Variants in PDE12 observed in about 807,000 individuals in gnomAD.
PDE12 encodes the protein phosphodiesterase 12.
A neutral mutation model predicts 45.4 loss-of-function variants in PDE12; 26 were observed. The observed-to-expected ratio is 0.57, with a 90% CI of 0.42 to 0.79. PDE12 has a LOEUF of 0.79. PDE12 is among the 30% of genes least tolerant of loss of function. The pLI, the probability that PDE12 is intolerant of heterozygous loss-of-function variation, is 0.00. For synonymous variants in PDE12, 283 were observed against 323.9 expected (o/e 0.87, Z 1.36); for missense variants, 668 against 790.0 (o/e 0.85, Z 1.85).
chr3:57,630,205 T>A, the PDE12 span: 1 of 466,532 alleles, frequency 2.1e-6, no homozygotes, highest in Non-Finnish European at 3.6e-6. Context: ...ATGCAGTTCA[T>A]AACACACCTA....
chr3:57,594,039 T>G, the PDE12 span, among the ~76,000 whole-genome samples: 1 of 152,272 alleles, frequency 6.6e-6, no homozygotes, highest in East Asian at 1.9e-4. Flanking sequence ...GTGGATCACC[T>G]GAGGTCAGGA....
the PDE12 span, among the ~76,000 whole-genome samples, chr3:57,573,274 C>T: frequency 6.6e-6 from 1 of 151,830 alleles, no homozygotes; most frequent in Non-Finnish European, 1.5e-5. Context: ...CAGACAATTT[C>T]ACCATCTTTA....
At chr3:57,646,559 A>G in the PDE12 span, 1 of 1,306,730 alleles carries the variant, frequency 7.7e-7, no homozygotes, top group Non-Finnish European at 1.0e-6. Context: ...TTGTATCCTG[A>G]TCTGATACAC....
the PDE12 span, chr3:57,646,454 C>A: frequency 2.5e-6 from 4 of 1,598,846 alleles, no homozygotes; most frequent in African/African-American, 5.4e-5. Context: ...AGGTGATGCA[C>A]AGTAGAAATA....
At chr3:57,643,023 GAA>G in the PDE12 span, among the ~76,000 whole-genome samples, 1 of 88,476 alleles carries the variant, frequency 1.1e-5, no homozygotes. Context: ...AAAAAAAAAA[GAA>G]AGATCACTCT....
chr3:57,639,164 T>A, the PDE12 span, among the ~76,000 whole-genome samples: 1 of 151,822 alleles, frequency 6.6e-6, no homozygotes, highest in African/African-American at 2.4e-5. Context: ...TGAAAGGAAG[T>A]AGATGAAAAA....
At chr3:57,650,113 T>C in the PDE12 span, among the ~76,000 whole-genome samples, 2 of 151,936 alleles carry the variant, frequency 1.3e-5, no homozygotes, top group African/African-American at 2.4e-5. Context: ...ATAAGAATGA[T>C]ACTATGAACT....
At chr3:57,646,662 A>C in the PDE12 span, among the ~76,000 whole-genome samples, 4 of 152,208 alleles carry the variant, frequency 2.6e-5, no homozygotes, top group African/African-American at 7.2e-5. Context: ...AATTTTTACA[A>C]AATTAAATGT....
At chr3:57,610,376 T>C in the PDE12 span, among the ~76,000 whole-genome samples, 1 of 152,112 alleles carries the variant, frequency 6.6e-6, no homozygotes. Context: ...TGTTGGAAGT[T>C]CTGGCCAGGG....
At chr3:57,596,951 C>T in the PDE12 span, 4 of 1,050,702 alleles carry the variant, frequency 3.8e-6, no homozygotes, top group African/African-American at 6.5e-5. Context: ...TTCCTTCCGA[C>T]CCCCGACCCG....
At chr3:57,571,688 AGTC>A (rs2069844374), downstream of PDE12, 1 of 153,038 alleles carries the variant, frequency 6.5e-6, no homozygotes, top group African/African-American at 2.4e-5. Flanking sequence ...GTAGGCCAGG[AGTC>A]AATGTAGGGG....
At chr3:57,568,017 A>T (rs2069801298), downstream of PDE12, among the ~76,000 whole-genome samples, 1 of 145,474 alleles carries the variant, frequency 6.9e-6, no homozygotes, top group Non-Finnish European at 1.5e-5. Flanking sequence ...GCAGTGAGCC[A>T]AGATCACACC....
At chr3:57,651,250 A>C in the PDE12 span, among the ~76,000 whole-genome samples, 13 of 152,248 alleles carry the variant, frequency 8.5e-5, no homozygotes, top group African/African-American at 3.1e-4. Flanking sequence ...GCCCATTGTA[A>C]ACTGAAAATA....
chr3:57,599,955 A>G, the PDE12 span: 2 of 151,410 alleles, frequency 1.3e-5, no homozygotes, highest in East Asian at 3.9e-4. Context: ...CAGCCTCCAA[A>G]GTGTTGGGAT....
chr3:57,642,313 C>CAA, the PDE12 span, among the ~76,000 whole-genome samples: 795 of 67,192 alleles, frequency 0.012, 23 homozygotes, highest in African/African-American at 0.037. Flanking sequence ...GACTCTGTCT[C>CAA]AAAAAAAAAA....
chr3:57,621,242 T>A, the PDE12 span, among the ~76,000 whole-genome samples: 1 of 152,280 alleles, frequency 6.6e-6, no homozygotes, highest in South Asian at 2.1e-4. Flanking sequence ...AATAATAACC[T>A]TTCAACAAAT....
At chr3:57,635,220 T>TGTTTC in the PDE12 span, among the ~76,000 whole-genome samples, 1 of 152,304 alleles carries the variant, frequency 6.6e-6, no homozygotes, top group South Asian at 2.1e-4. Context: ...TGTTTTGTTT[T>TGTTTC]GTTTTGTTTT....
At chr3:57,601,271 G>A in the PDE12 span, among the ~76,000 whole-genome samples, 12 of 152,032 alleles carry the variant, frequency 7.9e-5, no homozygotes, top group South Asian at 8.3e-4. Context: ...CACTGCGCCC[G>A]GCTAATTTTT....
At chr3:57,649,389 C>T in the PDE12 span, among the ~76,000 whole-genome samples, 2 of 152,018 alleles carry the variant, frequency 1.3e-5, no homozygotes, top group African/African-American at 2.4e-5. Flanking sequence ...AAAGGGAATA[C>T]TTTTACACTG....
Sources: allele counts gnomAD v4.1 joint callset (sites outside exome capture counted in the v4.1 genomes callset), GRCh38; gene constraint gnomAD v4.1.1; transcripts MANE v1.5; gene names NCBI Gene and HGNC (gene_info 2026-07-23, HGNC 2026-07-21).